Variants in ERP27 observed in about 807,000 individuals in gnomAD.
The protein encoded by ERP27 is endoplasmic reticulum resident protein 27.
A neutral mutation model predicts 27.7 loss-of-function variants in ERP27; 23 were observed. The observed-to-expected ratio is 0.83, with a 90% CI of 0.60 to 1.18. The LOEUF is 1.18. ERP27 is among the 50% of genes most tolerant of loss of function. The pLI is 0.00. For synonymous variants in ERP27, 159 were observed against 118.3 expected, an observed-to-expected ratio of 1.34 and a Z score of -2.23; for missense variants, 363 against 327.9, an observed-to-expected ratio of 1.11 and a Z score of -0.83.
chr12:14,920,050 T>A (rs1863476419), intron 4 of ERP27, among the ~76,000 whole-genome samples: 1 of 152,342 alleles, frequency 6.6e-6, no homozygotes, highest in Admixed American at 6.5e-5. Context: ...TATTGGAGAA[T>A]AGAAGGTACA....
chr12:14,928,272 G>C (rs565409742), intron 3 of ERP27, among the ~76,000 whole-genome samples: 1 of 152,252 alleles, frequency 6.6e-6, no homozygotes, highest in South Asian at 2.1e-4. Flanking sequence ...TCTCATGTTA[G>C]TTAAGGTAGG....
chr12:14,921,004 G>T lies in ERP27; in HGVS notation c.378C>A (p.Ser126Arg). 1 of 1,614,116 alleles carries T rather than the reference G, an allele frequency of 6.2e-7. No individual in the cohort carries two copies. The highest frequency in any genetic ancestry group is 8.5e-7 in the Non-Finnish European group (1 of 1,179,984). ...QLNLEDEDIE[S>R]IDATKLSRFI... is the part of the protein sequence containing the mutation. ...AACGGCTCAATTTGGTGGCATCAAT[G>T]CTTTCAATGTCTTCGTCCTCTAAAT... is the stretch of plus-strand genomic sequence containing the variant. The change falls in exon 4 of 7, where the codon AGC becomes AGA. Residue 126 changes from serine to arginine, a missense_variant. Transcript: ENST00000266397.
intron 2 of ERP27, among the ~76,000 whole-genome samples, chr12:14,937,577 T>C (rs1863790580): frequency 6.6e-6 from 1 of 152,166 alleles, no homozygotes; most frequent in Non-Finnish European, 1.5e-5. Context: ...TGATATAAAT[T>C]GGGTTCACTC....
chr12:14,929,101 T>G, intron 3 of ERP27: 1 of 1,513,340 alleles, frequency 6.6e-7, no homozygotes, highest in South Asian at 1.2e-5. Flanking sequence ...GTCTGGTGCC[T>G]GCACCTCAGC....
chr12:14,915,413 A>G, intron 6 of ERP27, 76 bp downstream of exon 6: 3 of 1,519,634 alleles, frequency 2.0e-6, no homozygotes, highest in South Asian at 1.2e-5. Flanking sequence ...TCTGAGCCCA[A>G]AGAATTCTTA....
At chr12:14,923,038 C>T (rs1863531123) in intron 3 of ERP27, among the ~76,000 whole-genome samples, 2 of 147,264 alleles carry the variant, frequency 1.4e-5, no homozygotes, top group Admixed American at 1.4e-4. Context: ...CGTGCCATTG[C>T]ACTCCGGCCT....
intron 3 of ERP27, among the ~76,000 whole-genome samples, chr12:14,933,242 G>T (rs1445443022): frequency 6.6e-6 from 1 of 152,150 alleles, no homozygotes; most frequent in Non-Finnish European, 1.5e-5. Flanking sequence ...ACTGTAAAAA[G>T]TGTTGGGTCA....
rs559202744 is a variant in ERP27 at position 14,920,942 on chromosome 12, T to A, written c.440A>T (p.Tyr147Phe). The A allele has an allele frequency of 6.7e-5, 108 of 1,613,010 alleles. No individual in the cohort carries two copies. The African/African-American group carries it at 1.3e-3, about 20-fold the overall frequency. Residue 147 changes from tyrosine to phenylalanine, a missense_variant, in exon 4 of 7, where the codon TAC (tyrosine) becomes TTC (phenylalanine). Transcript: ENST00000266397. ...GGAAGTATTGTTTACCACAGGGTTG[T>A]ACTCTGTCACCATGTGGAGGCTGTT... ...EINSLHMVTEYNPVTVIGLFN... is the reference protein window; with the variant it reads ...EINSLHMVTEFNPVTVIGLFN...
intron 2 of ERP27, among the ~76,000 whole-genome samples, chr12:14,937,415 C>A (rs1364035850): frequency 6.6e-6 from 1 of 152,150 alleles, no homozygotes; most frequent in African/African-American, 2.4e-5. Context: ...GAGGTTAACA[C>A]CTTGAATATA....
intron 2 of ERP27, chr12:14,935,198 C>A (rs1182829634): frequency 1.0e-6 from 1 of 974,152 alleles, no homozygotes; most frequent in Non-Finnish European, 1.2e-6. Flanking sequence ...AATAGGTAAC[C>A]ACGAAATTGT....
chr12:14,924,228 T>G (rs1254354873), intron 3 of ERP27, among the ~76,000 whole-genome samples: 1 of 152,208 alleles, frequency 6.6e-6, no homozygotes. Context: ...TATGGCTGAA[T>G]AGTGTCCATT....
At chr12:14,932,641 C>T (rs1250105085) in intron 3 of ERP27, among the ~76,000 whole-genome samples, 2 of 152,122 alleles carry the variant, frequency 1.3e-5, no homozygotes, top group African/African-American at 4.8e-5. Context: ...GAGAAGAGTG[C>T]TATGGCCAAA....
At position 14,938,494 on chromosome 12, in the gene ERP27, C is replaced by A. The variant is rs186127670; in HGVS notation, c.15G>T (p.Pro5=). ...GAAATAAGAGGAACATGAACCTGGA[C>A]GGGGCAGCTTCCATTGTCCCTCTCC... The part of the protein sequence containing the change: MEAA[P]SRFMFLLFLL... The change falls in exon 1 of 7, where the codon CCG becomes CCT. Residue 5 remains proline (P), a synonymous_variant. Coordinates refer to ENST00000266397, the MANE Select transcript of ERP27 (RefSeq NM_152321.4). 2 of 1,612,416 alleles carry A rather than the reference C, an allele frequency of 1.2e-6. No homozygotes were observed. Among genetic ancestry groups the A allele is most frequent in the Admixed American group, 1.7e-5 (1 of 59,878 alleles).
At chr12:14,921,732 T>C (rs1283541411) in intron 3 of ERP27, among the ~76,000 whole-genome samples, 1 of 152,060 alleles carries the variant, frequency 6.6e-6, no homozygotes, top group Non-Finnish European at 1.5e-5. Flanking sequence ...AGTCAAGAAA[T>C]AGAATATTGC....
intron 3 of ERP27, among the ~76,000 whole-genome samples, chr12:14,921,862 TA>T (rs929937324): frequency 5.3e-5 from 8 of 152,344 alleles, no homozygotes; most frequent in African/African-American, 1.9e-4. Flanking sequence ...CTTTATAACT[TA>T]AAGATGCTTC....
intron 3 of ERP27, among the ~76,000 whole-genome samples, chr12:14,924,727 G>T (rs1236082213): frequency 2.0e-5 from 3 of 152,176 alleles, no homozygotes; most frequent in Admixed American, 1.3e-4. Flanking sequence ...TCTTGAATAG[G>T]GGATAGGAAA....
At chr12:14,936,584 T>A (rs907744957) in intron 2 of ERP27, among the ~76,000 whole-genome samples, 1 of 152,142 alleles carries the variant, frequency 6.6e-6, no homozygotes, top group Non-Finnish European at 1.5e-5. Context: ...TAAAATCTCA[T>A]CTTTAAATGT....
At chr12:14,924,730 A>T (rs2430701) in intron 3 of ERP27, among the ~76,000 whole-genome samples, 3 of 152,022 alleles carry the variant, frequency 2.0e-5, no homozygotes, top group African/African-American at 7.3e-5. Context: ...TGAATAGGGG[A>T]TAGGAAAAAT....
At chr12:14,934,243 G>T (rs1863739980) in intron 3 of ERP27, among the ~76,000 whole-genome samples, 1 of 151,736 alleles carries the variant, frequency 6.6e-6, no homozygotes, top group Admixed American at 6.6e-5. Flanking sequence ...CAATTCTGTT[G>T]TCTTTTTCTT....
Sources: allele counts gnomAD v4.1 joint callset (sites outside exome capture counted in the v4.1 genomes callset), GRCh38; gene constraint gnomAD v4.1.1; transcripts MANE v1.5; gene names NCBI Gene and HGNC (gene_info 2026-07-23, HGNC 2026-07-21).